Variants in TNNI3K observed in about 807,000 individuals in gnomAD.
The protein encoded by TNNI3K is TNNI3 interacting kinase, also known as serine/threonine-protein kinase TNNI3K.
TNNI3K carries 140 observed loss-of-function variants against 114.5 expected under a neutral mutation model. The observed-to-expected ratio is 1.22, with a 90% CI of 1.07 to 1.41. The LOEUF (loss-of-function observed/expected upper bound fraction) is 1.41, where lower values mean the gene tolerates loss of function less well. Among genes scored for constraint, TNNI3K ranks in the 40% most tolerant of loss-of-function variants. TNNI3K has a pLI of 0.00. For synonymous variants in TNNI3K, 347 were observed against 347.5 expected (o/e 1.00, Z 0.02); for missense variants, 1,125 against 1,007.6 (o/e 1.12, Z -1.58).
chr1:74,408,704 T>G (rs1664738428), intron 17 of TNNI3K, among the ~76,000 whole-genome samples: 1 of 152,200 alleles, frequency 6.6e-6, no homozygotes, highest in African/African-American at 2.4e-5. Flanking sequence ...AGTTAAATCC[T>G]TCTTTATTTA....
chr1:74,389,664 T>C (rs2100565270), intron 17 of TNNI3K, among the ~76,000 whole-genome samples: 1 of 152,262 alleles, frequency 6.6e-6, no homozygotes, highest in South Asian at 2.1e-4. Context: ...ACCAGGACCA[T>C]TTTGCTAACC....
chr1:74,255,566 C>T (rs1557453688), intron 4 of TNNI3K, among the ~76,000 whole-genome samples: 1 of 152,178 alleles, frequency 6.6e-6, no homozygotes, highest in African/African-American at 2.4e-5. Flanking sequence ...TTTAATACCA[C>T]ATGAATGATT....
chr1:74,255,353 C>CAAAA (rs10716634), intron 4 of TNNI3K, among the ~76,000 whole-genome samples: 1 of 101,040 alleles, frequency 9.9e-6, no homozygotes, highest in Non-Finnish European at 2.0e-5. Flanking sequence ...GACTCCGTCT[C>CAAAA]AAAAAAAAAA....
intron 23 of TNNI3K, among the ~76,000 whole-genome samples, chr1:74,522,767 G>C (rs1646451577): frequency 6.6e-6 from 1 of 152,030 alleles, no homozygotes; most frequent in South Asian, 2.1e-4. Context: ...GATTAAAACT[G>C]GTGTATTTCT....
chr1:74,335,272 TCA>T (rs1483195754), intron 6 of TNNI3K, among the ~76,000 whole-genome samples: 1 of 152,150 alleles, frequency 6.6e-6, no homozygotes, highest in Non-Finnish European at 1.5e-5. Context: ...CTGATATAAA[TCA>T]GATTCTAGAT....
At chr1:74,468,270 A>T (rs1470400130) in intron 21 of TNNI3K, 1 of 152,128 alleles carries the variant, frequency 6.6e-6, no homozygotes, top group Non-Finnish European at 1.5e-5. Context: ...AAGAAGAAAA[A>T]AAAAAAGGAA....
intron 21 of TNNI3K, chr1:74,475,690 G>A (rs1186947166): frequency 4.2e-6 from 3 of 713,042 alleles, no homozygotes; most frequent in Non-Finnish European, 7.8e-6. Context: ...TGCCTCATGA[G>A]CACACAGGGG....
chr1:74,480,553 A>T (rs1009572312), intron 21 of TNNI3K: 1 of 717,306 alleles, frequency 1.4e-6, no homozygotes, highest in African/African-American at 1.7e-5. Flanking sequence ...TGTAGGAAAT[A>T]AAATTGTTGG....
At chr1:74,500,335 C>CA in intron 23 of TNNI3K, among the ~76,000 whole-genome samples, 1 of 151,870 alleles carries the variant, frequency 6.6e-6, no homozygotes, top group East Asian at 1.9e-4. Context: ...TCCATAAATG[C>CA]ACCTTTAAAA....
At chr1:74,531,597 G>T (rs565941591) in intron 23 of TNNI3K, among the ~76,000 whole-genome samples, 59 of 152,302 alleles carry the variant, frequency 3.9e-4, no homozygotes, top group African/African-American at 1.4e-3. Context: ...GATGACTCTA[G>T]TAGCCTTTTC....
At chr1:74,426,487 C>T (rs992331748) in intron 17 of TNNI3K, among the ~76,000 whole-genome samples, 2 of 151,940 alleles carry the variant, frequency 1.3e-5, no homozygotes, top group African/African-American at 4.8e-5. Context: ...TTAAGCTCAG[C>T]CCTCGTCTGC....
At chr1:74,520,164 T>C (rs1450097077) in intron 23 of TNNI3K, among the ~76,000 whole-genome samples, 2 of 17,372 alleles carry the variant, frequency 1.2e-4, no homozygotes, top group East Asian at 1.9e-3. Flanking sequence ...TTCCACCCTT[T>C]CCCCGATTCC....
At chr1:74,258,597 G>A (rs1384898489) in intron 4 of TNNI3K, among the ~76,000 whole-genome samples, 1 of 152,040 alleles carries the variant, frequency 6.6e-6, no homozygotes, top group Non-Finnish European at 1.5e-5. Context: ...CTTTTGCATT[G>A]CTTCCAAAAT....
chr1:74,291,778 G>T lies in TNNI3K; in HGVS notation c.444+20070G>T, dbSNP rs542420035. Among the ~76,000 whole-genome samples the T allele has an allele frequency of 3.3e-5, 5 of 151,468 alleles. No individual in the cohort carries two copies. The South Asian group carries it at 1.0e-3, about 31-fold the overall frequency. ...TTAAATTATTATCTTAAGGTTTGAT[G>T]GTTTGCCTTCAGTATTTAAGTGCTT... On this transcript the variant is annotated intron_variant, in intron 5 of 24. Coordinates refer to ENST00000326637, the MANE Select transcript of TNNI3K (RefSeq NM_015978.3).
intron 5 of TNNI3K, among the ~76,000 whole-genome samples, chr1:74,317,897 G>T (rs994461030): frequency 2.0e-5 from 3 of 152,122 alleles, no homozygotes; most frequent in Admixed American, 2.0e-4. Flanking sequence ...TCATCCAGGG[G>T]AACCCCCTGC....
chr1:74,415,341 C>G (rs182681993), intron 17 of TNNI3K, among the ~76,000 whole-genome samples: 23 of 152,228 alleles, frequency 1.5e-4, no homozygotes, highest in Admixed American at 1.3e-3. Flanking sequence ...GCTTACATCT[C>G]TCTGACCCAT....
chr1:74,405,314 G>T (rs1664563211), intron 17 of TNNI3K, among the ~76,000 whole-genome samples: 1 of 152,126 alleles, frequency 6.6e-6, no homozygotes, highest in African/African-American at 2.4e-5. Flanking sequence ...AAACCATGAG[G>T]CTGAAGTATG....
chr1:74,466,431 TGAC>T (rs1009666565), intron 21 of TNNI3K, among the ~76,000 whole-genome samples: 17 of 151,792 alleles, frequency 1.1e-4, no homozygotes, highest in African/African-American at 4.1e-4. Flanking sequence ...AGTTGGGAAA[TGAC>T]AAACAGAAAT....
Position 74,235,498 on chromosome 1 carries a change from A to G in TNNI3K, c.40+7A>G, listed in dbSNP as rs1653792406. On this transcript the variant is annotated splice_region_variant and intron_variant, in intron 1 of 24. Transcript: ENST00000326637. ...CCAACCCAAACTTGTACTGGTAATT[A>G]TTCTAATTATTCTTATTTCCTTAAG... 7.4e-7 allele frequency: 1 copy of G among 1,349,014 alleles called. No individual in the cohort carries two copies. Among genetic ancestry groups the G allele is most frequent in the African/African-American group, 1.5e-5 (1 of 67,316 alleles). The allele number at this position is 1,349,014 out of a possible 1,614,324, so 83.6% of individuals were successfully genotyped here. A position where few individuals can be genotyped will look rare whatever the true frequency, so the allele number is the denominator to read the frequency against.
Sources: allele counts gnomAD v4.1 joint callset (sites outside exome capture counted in the v4.1 genomes callset), GRCh38; gene constraint gnomAD v4.1.1; transcripts MANE v1.5; gene names NCBI Gene and HGNC (gene_info 2026-07-23, HGNC 2026-07-21).